Variants in CDH23 observed in about 807,000 individuals in gnomAD.
The protein encoded by CDH23 is cadherin-23.
CDH23 carries 189 observed loss-of-function variants against 317.1 expected under a neutral mutation model. The observed-to-expected ratio is 0.60, with a 90% CI of 0.53 to 0.67. The LOEUF is 0.67. Among genes scored for constraint, CDH23 ranks in the 30% least tolerant of loss-of-function variants. CDH23 has a pLI of 0.00. For synonymous variants in CDH23, 1,839 were observed against 1,876.8 expected, an observed-to-expected ratio of 0.98 and a Z score of 0.52; for missense variants, 4,401 against 4,592.4, an observed-to-expected ratio of 0.96 and a Z score of 1.20.
At chr10:71,405,443 T>C (rs530017681) in intron 1 of CDH23, among the ~76,000 whole-genome samples, 1 of 151,092 alleles carries the variant, frequency 6.6e-6, no homozygotes, top group African/African-American at 2.4e-5. Context: ...TTTTTTTTTT[T>C]TTTTTTTTGA....
At chr10:71,597,596 T>C (rs564277716) in intron 9 of CDH23, among the ~76,000 whole-genome samples, 1 of 151,848 alleles carries the variant, frequency 6.6e-6, no homozygotes, top group South Asian at 2.1e-4. Flanking sequence ...AGGAGGGCAG[T>C]AGGGATTGGC....
At chr10:71,499,429 G>A (rs1409065702) in intron 3 of CDH23, among the ~76,000 whole-genome samples, 1 of 152,102 alleles carries the variant, frequency 6.6e-6, no homozygotes, top group African/African-American at 2.4e-5. Flanking sequence ...ACGCATAGTG[G>A]CACATGCTTG....
chr10:71,493,853 T>A lies in CDH23; in HGVS notation c.146-16229T>A, dbSNP rs182746339. ...CCTTTACACACAAAATCCTTTTTTT[T>A]AATTATAATAGCGTGCATAGAATAT... On this transcript the variant is annotated intron_variant, in intron 3 of 69. Transcript: ENST00000224721. Among the ~76,000 whole-genome samples, 306 of 152,342 alleles carry A rather than the reference T, an allele frequency of 2.0e-3. 1 individual carries two copies. Among genetic ancestry groups the A allele is most frequent in the African/African-American group, 7.0e-3 (290 of 41,582 alleles).
At chr10:71,603,713 G>A (rs893130596) in intron 9 of CDH23, among the ~76,000 whole-genome samples, 9 of 152,254 alleles carry the variant, frequency 5.9e-5, no homozygotes, top group African/African-American at 2.2e-4. Flanking sequence ...CCACACAGGA[G>A]AGGCAAGGCC....
chr10:71,497,317 C>A (rs1183044049), intron 3 of CDH23, among the ~76,000 whole-genome samples: 2 of 151,854 alleles, frequency 1.3e-5, no homozygotes, highest in Admixed American at 1.3e-4. Context: ...GGAAAAAAAA[C>A]ACACCCACCC....
At chr10:71,530,363 G>A (rs760496358) in intron 6 of CDH23, among the ~76,000 whole-genome samples, 1 of 152,208 alleles carries the variant, frequency 6.6e-6, no homozygotes, top group Non-Finnish European at 1.5e-5. Flanking sequence ...GGTGCCCACA[G>A]TGGGGCCTCT....
intron 6 of CDH23, among the ~76,000 whole-genome samples, chr10:71,536,455 T>C (rs1855708199): frequency 6.6e-6 from 1 of 152,182 alleles, no homozygotes; most frequent in African/African-American, 2.4e-5. Flanking sequence ...GCAGGTTTGC[T>C]TTTGATGTAA....
At chr10:71,445,853 A>AC (rs111847548) in intron 2 of CDH23, among the ~76,000 whole-genome samples, 2,984 of 151,636 alleles carry the variant, frequency 0.02, 137 homozygotes, top group African/African-American at 0.067. Context: ...GTCTCAAAAA[A>AC]AAAAAAAAAA....
intron 47 of CDH23, among the ~76,000 whole-genome samples, chr10:71,792,839 AAAAAAAAAAAAAAAT>A (rs1470017390): frequency 1.3e-5 from 1 of 75,364 alleles, no homozygotes; most frequent in African/African-American, 5.5e-5. Context: ...AAAAAAAAAA[AAAAAAAAAAAAAAAT>A]ATATATATAT....
chr10:71,684,390 T>C lies in CDH23; in HGVS notation c.1986+1818T>C, dbSNP rs535310878. ...CACAAGGAGGCAGTGAATTCTGTGC[T>C]GGGCCCCCAGTAGGACAGGAAGGTG... On this transcript the variant is annotated intron_variant, in intron 18 of 69. Coordinates refer to ENST00000224721, the MANE Select transcript of CDH23 (RefSeq NM_022124.6). Among the ~76,000 whole-genome samples, 4 of 152,320 alleles carry C rather than the reference T, an allele frequency of 2.6e-5. No homozygotes were observed. In the South Asian group the frequency reaches 8.3e-4, roughly 32 times the overall value.
chr10:71,475,704 G>T (rs1292749427), intron 3 of CDH23, among the ~76,000 whole-genome samples: 1 of 152,218 alleles, frequency 6.6e-6, no homozygotes. Context: ...GGAGGCAGGG[G>T]TATGAAGGAA....
chr10:71,495,236 A>G (rs892158265), intron 3 of CDH23, among the ~76,000 whole-genome samples: 1 of 152,204 alleles, frequency 6.6e-6, no homozygotes, highest in South Asian at 2.1e-4. Flanking sequence ...TTAGGGCAAA[A>G]TGAATGGTGC....
chr10:71,788,523 T>C (rs1343501786), intron 44 of CDH23, among the ~76,000 whole-genome samples: 2 of 151,920 alleles, frequency 1.3e-5, no homozygotes, highest in African/African-American at 4.8e-5. Flanking sequence ...TGGCGTGATA[T>C]CCGCTCGCTG....
chr10:71,449,641 A>G (rs1400783565), intron 3 of CDH23, among the ~76,000 whole-genome samples: 1 of 152,262 alleles, frequency 6.6e-6, no homozygotes, highest in Admixed American at 6.5e-5. Context: ...ATTCATTTTA[A>G]AAATTCCTTT....
At chr10:71,789,196 G>A (rs987469209) in intron 45 of CDH23, among the ~76,000 whole-genome samples, 154 bp downstream of exon 45, 1 of 152,222 alleles carries the variant, frequency 6.6e-6, no homozygotes, top group Non-Finnish European at 1.5e-5. Flanking sequence ...GGGAGATGGT[G>A]GGCTGGGGCT....
intron 14 of CDH23, among the ~76,000 whole-genome samples, chr10:71,670,614 T>C (rs1459600244): frequency 6.6e-6 from 1 of 152,042 alleles, no homozygotes; most frequent in Non-Finnish European, 1.5e-5. Context: ...GAACCAGCAA[T>C]GAGAGAACAG....
intron 9 of CDH23, among the ~76,000 whole-genome samples, chr10:71,582,382 A>G (rs754076172): frequency 6.6e-6 from 1 of 152,246 alleles, no homozygotes; most frequent in Non-Finnish European, 1.5e-5. Flanking sequence ...TCTCACTGGT[A>G]GTGTTTTATA....
In CDH23 at chr10:71,812,043, C is replaced by A. The variant is rs752500590; in HGVS notation, c.9380+28C>A. On this transcript the variant is annotated intron_variant, in intron 66 of 69. Transcript: ENST00000224721. ...GAGTGGGGTACTGGCCCTGCCCGGT[C>A]CCCTGCGGGGAGTCCTGCCAGGACC... is the stretch of plus-strand genomic sequence containing the variant. 3 of 1,613,976 alleles carry A rather than the reference C, an allele frequency of 1.9e-6. No homozygotes were observed. The East Asian group carries it at 6.7e-5, about 36-fold the overall frequency.
At chr10:71,660,859 A>T (rs1863618237) in intron 14 of CDH23, among the ~76,000 whole-genome samples, 2 of 152,184 alleles carry the variant, frequency 1.3e-5, no homozygotes, top group Admixed American at 1.3e-4. Context: ...TCATACATGT[A>T]AAGTGCTTAG....
Sources: gnomAD v4.1 joint callset for allele counts (sites outside exome capture counted in the v4.1 genomes callset) on GRCh38, gnomAD v4.1.1 for gene constraint, MANE v1.5 for transcripts, NCBI Gene and HGNC (gene_info 2026-07-23, HGNC 2026-07-21) for gene names.